The following PTPRM variants were observed in gnomAD, a reference collection of about 807,000 sequenced individuals.
The protein encoded by PTPRM is protein tyrosine phosphatase receptor type M.
Under a neutral mutation model 186.7 loss-of-function variants are expected in PTPRM, and 47 were observed. The ratio of observed to expected loss-of-function variants is 0.25; its 90% CI spans 0.20 to 0.32. The LOEUF is 0.32. Among genes scored for constraint, PTPRM ranks in the 10% least tolerant of loss-of-function variants. The pLI is 1.00. For synonymous variants in PTPRM, 668 were observed against 674.9 expected (o/e 0.99, Z 0.16); for missense variants, 1,494 against 1,865.0 (o/e 0.80, Z 3.66).
At chr18:8,255,686 C>CA (rs1416664557) in intron 19 of PTPRM, among the ~76,000 whole-genome samples, 8 of 152,068 alleles carry the variant, frequency 5.3e-5, no homozygotes, top group African/African-American at 1.7e-4. Context: ...ATATCAGGAA[C>CA]AAATAGGAAG....
intron 22 of PTPRM, among the ~76,000 whole-genome samples, chr18:8,335,792 C>T (rs1490690677): frequency 2.0e-5 from 3 of 152,086 alleles, no homozygotes; most frequent in Admixed American, 6.5e-5. Flanking sequence ...GAAGCTGAGG[C>T]GGGCAGATCA....
At chr18:7,852,671 C>T (rs541477293) in intron 2 of PTPRM, among the ~76,000 whole-genome samples, 112 of 151,470 alleles carry the variant, frequency 7.4e-4, no homozygotes, top group Non-Finnish European at 1.0e-3. Context: ...GGCGACAGAG[C>T]GAGACTCCCT....
In PTPRM at chr18:8,085,829, T is replaced by C; in HGVS notation, c.1710T>C (p.Gly570=). Residue 570 remains glycine (G), a synonymous_variant, in exon 10 of 33, where the codon GGT becomes GGC. Transcript: ENST00000580170. ...CCATCCGAGCTAGCACAGCTAAGGG[T>C]TTTGGGCCTCCAGCAACAAACCAGT... ...SFTIRASTAK[G]FGPPATNQFT... The C allele has an allele frequency of 6.2e-7, 1 of 1,613,210 alleles. No individual in the cohort carries two copies. The highest frequency in any genetic ancestry group is 1.1e-5 in the South Asian group (1 of 91,040).
chr18:7,571,969 T>A (rs1290197946), intron 1 of PTPRM, among the ~76,000 whole-genome samples: 2 of 152,206 alleles, frequency 1.3e-5, no homozygotes, highest in East Asian at 3.8e-4. Context: ...TTTTTCTTTT[T>A]CAGATAACTA....
rs574684775 is a variant in PTPRM at position 8,084,894 on chromosome 18, T to G, written c.1552-777T>G. Among the ~76,000 whole-genome samples the G allele has an allele frequency of 5.0e-4, 76 of 152,294 alleles. 1 individual carries two copies. The highest frequency in any genetic ancestry group is 1.8e-3 in the African/African-American group (73 of 41,574). ...ATATTTATTTTCAAACACTTCAGACTCATCCAACATGCTTTGAATATCTGT... is the reference window on the plus strand; with the variant it reads ...ATATTTATTTTCAAACACTTCAGACGCATCCAACATGCTTTGAATATCTGT... On this transcript the variant is annotated intron_variant, in intron 9 of 32. Coordinates refer to ENST00000580170, the MANE Select transcript of PTPRM (RefSeq NM_001105244.2).
At chr18:7,682,980 A>G (rs1273828962) in intron 1 of PTPRM, among the ~76,000 whole-genome samples, 2 of 152,016 alleles carry the variant, frequency 1.3e-5, no homozygotes. Flanking sequence ...TTTATAAGAG[A>G]GAAGCTTGTT....
Position 7,668,889 on chromosome 18 carries a change from G to A in PTPRM, c.73+100998G>A, listed in dbSNP as rs1185415227. ...CTTTTAATTATCTTTGTTGTTTATT[G>A]CCTGCCTCTCTGCTTGAACAGGGGA... is the stretch of plus-strand genomic sequence containing the variant. On this transcript the variant is annotated intron_variant, in intron 1 of 32. Transcript: ENST00000580170. The surrounding 1 kb of genome is among the most constrained non-coding windows in gnomAD (Gnocchi z 4.7). Among the ~76,000 whole-genome samples, 3 of 151,794 alleles carry A rather than the reference G, an allele frequency of 2.0e-5. No homozygotes were observed. Among genetic ancestry groups the A allele is most frequent in the Non-Finnish European group, 4.4e-5 (3 of 67,974 alleles).
intron 1 of PTPRM, among the ~76,000 whole-genome samples, chr18:7,717,131 A>T (rs2040352109): frequency 6.6e-6 from 1 of 152,172 alleles, no homozygotes; most frequent in Non-Finnish European, 1.5e-5. Context: ...CAGAAAAGGG[A>T]TGGGGTTTCT....
chr18:8,243,940 C>A, intron 14 of PTPRM, 118 bp from the exon 15 acceptor site: 1 of 1,023,104 alleles, frequency 9.8e-7, no homozygotes, highest in South Asian at 1.7e-5. Context: ...ATACATCCAT[C>A]TCTGAATGAA....
At chr18:8,013,509 G>A (rs967602894) in intron 7 of PTPRM, among the ~76,000 whole-genome samples, 1 of 152,208 alleles carries the variant, frequency 6.6e-6, no homozygotes, top group African/African-American at 2.4e-5. Context: ...TATTCATCAA[G>A]TGGAGGTGGA....
chr18:7,616,602 TGG>T (rs112700826), intron 1 of PTPRM, among the ~76,000 whole-genome samples: 55 of 152,290 alleles, frequency 3.6e-4, no homozygotes, highest in Admixed American at 6.5e-4. Context: ...CGGCAGAGAC[TGG>T]GTCCATTCCC....
At chr18:8,240,512 A>T (rs2094406972) in intron 14 of PTPRM, among the ~76,000 whole-genome samples, 1 of 89,874 alleles carries the variant, frequency 1.1e-5, no homozygotes, top group Non-Finnish European at 2.2e-5. Flanking sequence ...GAAGGAAGGA[A>T]GGAAGGAAGG....
At chr18:7,639,768 G>A (rs2144164022) in intron 1 of PTPRM, among the ~76,000 whole-genome samples, 1 of 152,316 alleles carries the variant, frequency 6.6e-6, no homozygotes, top group South Asian at 2.1e-4. Context: ...TCCTGATATT[G>A]TAGAGCACAT....
intron 2 of PTPRM, among the ~76,000 whole-genome samples, chr18:7,849,668 A>T (rs1448166164): frequency 6.6e-6 from 1 of 152,194 alleles, no homozygotes; most frequent in Admixed American, 6.5e-5. Context: ...GAAATACTTT[A>T]AAATAATAAG....
chr18:8,240,887 G>A (rs2094428416), intron 14 of PTPRM, among the ~76,000 whole-genome samples: 1 of 151,686 alleles, frequency 6.6e-6, no homozygotes, highest in East Asian at 2.0e-4. Context: ...CAACCCTCAT[G>A]GAGCAGGTCT....
At chr18:7,966,308 G>C (rs979665137) in intron 7 of PTPRM, among the ~76,000 whole-genome samples, 1 of 152,184 alleles carries the variant, frequency 6.6e-6, no homozygotes, top group Non-Finnish European at 1.5e-5. Flanking sequence ...TATTACCATT[G>C]TGGAATGAGT....
intron 19 of PTPRM, among the ~76,000 whole-genome samples, chr18:8,258,343 C>T (rs911687752): frequency 2.0e-5 from 3 of 152,146 alleles, no homozygotes; most frequent in African/African-American, 7.2e-5. Flanking sequence ...CCCTGCCCCA[C>T]GCAGACTTCT....
At chr18:8,381,120 G>A (rs1325441949) in intron 29 of PTPRM, among the ~76,000 whole-genome samples, 1 of 152,198 alleles carries the variant, frequency 6.6e-6, no homozygotes, top group Non-Finnish European at 1.5e-5. Flanking sequence ...GAATTGGACA[G>A]TGATGACTCA....
At chr18:8,239,556 G>A (rs2094392678) in intron 14 of PTPRM, among the ~76,000 whole-genome samples, 1 of 152,104 alleles carries the variant, frequency 6.6e-6, no homozygotes, top group Non-Finnish European at 1.5e-5. Flanking sequence ...CCAGCAGTTT[G>A]TCAGCTACAG....
Sources: gnomAD v4.1 joint callset for allele counts (sites outside exome capture counted in the v4.1 genomes callset) on GRCh38, gnomAD v4.1.1 for gene constraint, Gnocchi (gnomAD v3.1) non-coding constraint, MANE v1.5 for transcripts, NCBI Gene and HGNC (gene_info 2026-07-23, HGNC 2026-07-21) for gene names.